ATG10: variants seen among roughly 807,000 people sequenced by gnomAD.
ATG10 encodes autophagy related 10.
In ATG10, 30 loss-of-function variants were observed where a neutral mutation model predicts 32.1. That is an observed-to-expected ratio of 0.94 (90% CI 0.70 to 1.27). ATG10 has a LOEUF of 1.27. Ranked by LOEUF, ATG10 falls within the 50% of genes most tolerant of loss-of-function variation. The pLI is 0.00. For synonymous variants in ATG10, 87 were observed against 91.5 expected (o/e 0.95, Z 0.28); for missense variants, 233 against 262.3 (o/e 0.89, Z 0.77).
chr5:82,097,952 A>G (rs561756130), intron 3 of ATG10, among the ~76,000 whole-genome samples: 2 of 152,336 alleles, frequency 1.3e-5, no homozygotes, highest in African/African-American at 4.8e-5. Flanking sequence ...TGACATTTTA[A>G]AAAAAGGATA....
chr5:82,077,196 G>A (rs1024193586), intron 3 of ATG10, among the ~76,000 whole-genome samples: 23 of 152,062 alleles, frequency 1.5e-4, no homozygotes, highest in Admixed American at 5.3e-4. Flanking sequence ...AGTGGCGTAC[G>A]CCTGTAGTCC....
chr5:82,024,115 C>G (rs956864006), intron 2 of ATG10, among the ~76,000 whole-genome samples: 6 of 152,070 alleles, frequency 3.9e-5, no homozygotes, highest in Non-Finnish European at 7.4e-5. Context: ...TCTCATAAAC[C>G]TCAAAGTGTG....
intron 5 of ATG10, among the ~76,000 whole-genome samples, chr5:82,210,844 G>A (rs1745466989): frequency 6.6e-6 from 1 of 152,202 alleles, no homozygotes; most frequent in Non-Finnish European, 1.5e-5. Flanking sequence ...CTCAGGACAA[G>A]AATGTATGAT....
intron 1 of ATG10, among the ~76,000 whole-genome samples, chr5:81,985,505 G>A (rs1761235145): frequency 6.6e-6 from 1 of 152,000 alleles, no homozygotes; most frequent in African/African-American, 2.4e-5. Flanking sequence ...CATTCCACGG[G>A]CATTTGAAAT....
chr5:81,999,127 T>TA (rs577398547), intron 2 of ATG10, among the ~76,000 whole-genome samples: 1 of 94,784 alleles, frequency 1.1e-5, no homozygotes, highest in Admixed American at 1.2e-4. Context: ...CACTCAGACA[T>TA]AAAAAAATCC....
At chr5:82,065,561 T>A (rs997900083) in intron 3 of ATG10, among the ~76,000 whole-genome samples, 1 of 152,126 alleles carries the variant, frequency 6.6e-6, no homozygotes, top group Non-Finnish European at 1.5e-5. Flanking sequence ...TGGGATATCT[T>A]ATTTTATGTG....
chr5:82,175,265 C>G (rs1743967189), intron 4 of ATG10, among the ~76,000 whole-genome samples: 2 of 152,148 alleles, frequency 1.3e-5, no homozygotes, highest in Admixed American at 6.5e-5. Flanking sequence ...CTAAAGGACT[C>G]CACTGAGGTA....
chr5:82,139,302 C>A (rs1454386097), intron 3 of ATG10, among the ~76,000 whole-genome samples: 1 of 150,438 alleles, frequency 6.6e-6, no homozygotes, highest in East Asian at 2.0e-4. Flanking sequence ...CCTGGCCGCC[C>A]ATTGTCTGGG....
intron 3 of ATG10, among the ~76,000 whole-genome samples, chr5:82,137,872 G>C (rs1313823239): frequency 6.6e-6 from 1 of 152,196 alleles, no homozygotes; most frequent in Non-Finnish European, 1.5e-5. Context: ...TTGTCTCTAA[G>C]CCCCTCACTG....
chr5:82,171,483 G>A (rs1743806615), intron 4 of ATG10, among the ~76,000 whole-genome samples: 1 of 152,178 alleles, frequency 6.6e-6, no homozygotes, highest in Non-Finnish European at 1.5e-5. Context: ...AATTTGATAA[G>A]CAGGAAAAGG....
At chr5:82,159,900 A>C (rs1743242135) in intron 3 of ATG10, among the ~76,000 whole-genome samples, 1 of 152,200 alleles carries the variant, frequency 6.6e-6, no homozygotes, top group Admixed American at 6.5e-5. Context: ...TTTAGTAATA[A>C]GAAATAACAA....
intron 5 of ATG10, among the ~76,000 whole-genome samples, chr5:82,205,649 C>CACA (rs1745260743): frequency 6.6e-6 from 1 of 152,148 alleles, no homozygotes; most frequent in Non-Finnish European, 1.5e-5. Flanking sequence ...GTGAAATCTG[C>CACA]TGTCAGAGAG....
In ATG10 at chr5:82,013,246, C is replaced by T. The variant is rs573536985; in HGVS notation, c.108+25568C>T. Among the ~76,000 whole-genome samples, 10 of 152,270 alleles carry T rather than the reference C, an allele frequency of 6.6e-5. No individual in the cohort carries two copies. The South Asian group carries it at 8.3e-4, about 13-fold the overall frequency. ...GAGTACATGGGTGAGCCACCGCATC[C>T]GGCCCATTGTATCATTCTTATGCCT... On this transcript the variant is annotated intron_variant, in intron 2 of 7. Coordinates refer to ENST00000282185, the MANE Select transcript of ATG10 (RefSeq NM_031482.5).
rs141674897 is a variant in ATG10 at position 82,249,872 on chromosome 5, AC to A, written c.454-2689del. Among the ~76,000 whole-genome samples the A allele has an allele frequency of 7.1e-3, 1,083 of 152,318 alleles. 10 individuals carry two copies. Among genetic ancestry groups the A allele is most frequent in the African/African-American group, 0.025 (1,035 of 41,570 alleles). The stretch of plus-strand genomic sequence containing the variant: ...CTCCTCTAAGAAAATGGTCCCCTGA[AC>A]TGTAAGTGCCTATCCACCTCTTAGA... On this transcript the variant is annotated intron_variant, in intron 5 of 7. Transcript: ENST00000282185.
intron 5 of ATG10, among the ~76,000 whole-genome samples, chr5:82,187,384 A>G (rs1249235745): frequency 1.3e-5 from 2 of 151,072 alleles, no homozygotes; most frequent in Non-Finnish European, 3.0e-5. Flanking sequence ...GGTGGTGGGC[A>G]CCTGTAATCT....
chr5:82,135,918 A>G (rs10072893), intron 3 of ATG10, among the ~76,000 whole-genome samples: 70,388 of 151,852 alleles, frequency 0.46, 17,369 homozygotes, highest in East Asian at 0.78. Context: ...TTGGGTGCAT[A>G]TATATTTAGG....
At chr5:82,071,050 C>T (rs1476812885) in intron 3 of ATG10, among the ~76,000 whole-genome samples, 1 of 151,998 alleles carries the variant, frequency 6.6e-6, no homozygotes, top group African/African-American at 2.4e-5. Flanking sequence ...ATTTTTTATT[C>T]CCCCCTTTCT....
At chr5:82,042,641 A>G (rs1458680214) in intron 2 of ATG10, among the ~76,000 whole-genome samples, 1 of 152,222 alleles carries the variant, frequency 6.6e-6, no homozygotes, top group East Asian at 1.9e-4. Flanking sequence ...TGCAATGGGT[A>G]TACAGGCATT....
chr5:82,124,301 CTT>C (rs766690861), intron 3 of ATG10, among the ~76,000 whole-genome samples: 5 of 138,458 alleles, frequency 3.6e-5, no homozygotes, highest in Admixed American at 7.2e-5. Flanking sequence ...CTGCCCTTGG[CTT>C]TTTTTTTTTT....
Sources: allele counts gnomAD v4.1 joint callset (sites outside exome capture counted in the v4.1 genomes callset), GRCh38; gene constraint gnomAD v4.1.1; transcripts MANE v1.5; gene names NCBI Gene and HGNC (gene_info 2026-07-23, HGNC 2026-07-21).